The following CFAP57 variants were observed in gnomAD, a reference collection of about 807,000 sequenced individuals.
CFAP57 encodes the protein cilia and flagella associated protein 57.
CFAP57 carries 116 observed loss-of-function variants against 146.8 expected under a neutral mutation model. The ratio of observed to expected loss-of-function variants is 0.79; its 90% CI spans 0.68 to 0.92. CFAP57 has a LOEUF of 0.92. Ranked by LOEUF, CFAP57 falls within the 40% of genes least tolerant of loss-of-function variation. CFAP57 has a pLI of 0.00. For missense variants in CFAP57, 1,377 were observed against 1,527.2 expected, an observed-to-expected ratio of 0.90 and a Z score of 1.64; for synonymous variants, 518 against 552.8, an observed-to-expected ratio of 0.94 and a Z score of 0.88.
intron 22 of CFAP57, among the ~76,000 whole-genome samples, chr1:43,243,725 C>T (rs1328377788): frequency 6.6e-6 from 1 of 152,136 alleles, no homozygotes; most frequent in Non-Finnish European, 1.5e-5. Flanking sequence ...CACTAAGCTT[C>T]CTGAATTTAA....
rs1313418526 is a variant in CFAP57 at position 43,226,954 on chromosome 1, C to T, written c.2866-29C>T. 6.8e-6 allele frequency: 10 copies of T among 1,474,060 alleles called. No homozygotes were observed. The South Asian group carries it at 1.5e-4, about 22-fold the overall frequency. 91.3% of individuals were successfully genotyped at this position (1,474,060 alleles called of 1,614,324 possible). A position where few individuals can be genotyped will look rare whatever the true frequency, so the allele number is the denominator to read the frequency against. The stretch of plus-strand genomic sequence containing the variant: ...GCAGTATACCAGGGCCTTACAATAT[C>T]TCTCACTTCTCTCTCATCTCACCCC... On this transcript the variant is annotated intron_variant, in intron 17 of 22. Transcript: ENST00000372492.
intron 9 of CFAP57, chr1:43,206,476 C>G: frequency 1.9e-6 from 1 of 532,026 alleles, no homozygotes; most frequent in South Asian, 2.4e-5. Flanking sequence ...CTGTAGGATT[C>G]AGTCTTTACG....
intron 22 of CFAP57, among the ~76,000 whole-genome samples, chr1:43,251,233 G>T (rs913335372): frequency 6.6e-6 from 1 of 152,262 alleles, no homozygotes; most frequent in African/African-American, 2.4e-5. Context: ...GGGAGGACAA[G>T]TATTACCAAG....
chr1:43,253,253 GA>G (rs772232791), intron 22 of CFAP57, among the ~76,000 whole-genome samples: 1 of 152,222 alleles, frequency 6.6e-6, no homozygotes, highest in African/African-American at 2.4e-5. Context: ...TCCAGGAAGA[GA>G]GGGTTCTCAG....
intron 2 of CFAP57, among the ~76,000 whole-genome samples, chr1:43,178,062 T>C (rs145572239): frequency 0.022 from 3,397 of 152,248 alleles, 129 homozygotes; most frequent in African/African-American, 0.078. Flanking sequence ...TAATAAATGG[T>C]GCTGGGAAAA....
intron 9 of CFAP57, chr1:43,206,273 T>A (rs1281477152): frequency 6.0e-6 from 1 of 168,006 alleles, no homozygotes; most frequent in Non-Finnish European, 1.2e-5. Flanking sequence ...CTAAAGACTT[T>A]AAATGATTAT....
chr1:43,173,252 C>T (rs1245643368), intron 2 of CFAP57, among the ~76,000 whole-genome samples: 1 of 152,144 alleles, frequency 6.6e-6, no homozygotes, highest in Non-Finnish European at 1.5e-5. Context: ...CTGAGCACAC[C>T]ACCTTCATTA....
chr1:43,215,478 G>A, intron 12 of CFAP57, 62 bp downstream of exon 12: 8 of 1,515,202 alleles, frequency 5.3e-6, no homozygotes, highest in Non-Finnish European at 7.1e-6. Context: ...TTCAGATGCA[G>A]GTCCAGCACT....
chr1:43,237,251 C>G (rs1317958349), intron 21 of CFAP57, among the ~76,000 whole-genome samples: 1 of 152,164 alleles, frequency 6.6e-6, no homozygotes. Context: ...AGGTCACTGT[C>G]TCATTTGTTT....
intron 11 of CFAP57, among the ~76,000 whole-genome samples, chr1:43,214,070 C>G (rs2453411): frequency 0.76 from 115,401 of 151,614 alleles, 45,308 homozygotes; most frequent in Middle Eastern, 0.9. Context: ...ATTTTTAGTA[C>G]GGATGAGGTT....
intron 6 of CFAP57, among the ~76,000 whole-genome samples, chr1:43,187,098 A>C (rs943642055): frequency 6.6e-6 from 1 of 152,180 alleles, no homozygotes; most frequent in Non-Finnish European, 1.5e-5. Context: ...TTGTCCATCA[A>C]ATTTAAATCT....
rs113433068 is a variant in CFAP57, at chr1:43,209,986, A to G, written c.1929+70A>G. 4,444 of 1,612,046 alleles carry G rather than the reference A, an allele frequency of 2.8e-3. 16 individuals are homozygous for G. Among genetic ancestry groups the G allele is most frequent in the Non-Finnish European group, 3.0e-3 (3,556 of 1,178,804 alleles). On this transcript the variant is annotated intron_variant, in intron 11 of 22. Transcript: ENST00000372492. ...GCTACGTGCCTTGTTCATCCCTTCA[A>G]CCTCCCAATGTCTTTTCTCTCTCCT...
At chr1:43,250,908 T>G (rs1349498777) in intron 22 of CFAP57, among the ~76,000 whole-genome samples, 1 of 152,218 alleles carries the variant, frequency 6.6e-6, no homozygotes, top group Non-Finnish European at 1.5e-5. Context: ...GGAAATTCCT[T>G]TAAAATTTTC....
chr1:43,187,376 T>C (rs1389874089), intron 6 of CFAP57, among the ~76,000 whole-genome samples: 2 of 152,160 alleles, frequency 1.3e-5, no homozygotes, highest in Non-Finnish European at 2.9e-5. Context: ...AGATTCAAAA[T>C]ATATAAAGCA....
intron 10 of CFAP57, among the ~76,000 whole-genome samples, chr1:43,208,557 C>T (rs905700309): frequency 1.3e-5 from 2 of 152,182 alleles, no homozygotes; most frequent in African/African-American, 4.8e-5. Context: ...GAAAACGAAA[C>T]ACCGCATATT....
intron 21 of CFAP57, among the ~76,000 whole-genome samples, chr1:43,237,468 A>C (rs1446635560): frequency 6.6e-6 from 1 of 152,204 alleles, no homozygotes; most frequent in African/African-American, 2.4e-5. Context: ...TCAAGGAGTT[A>C]ATCATTGGGA....
intron 18 of CFAP57, among the ~76,000 whole-genome samples, chr1:43,229,753 T>G (rs1341354488): frequency 1.4e-5 from 2 of 146,980 alleles, no homozygotes; most frequent in African/African-American, 2.6e-5. Flanking sequence ...AGGTAGGTAA[T>G]TCTCTGTCAT....
chr1:43,211,014 T>C (rs1644585073), intron 11 of CFAP57: 1 of 152,038 alleles, frequency 6.6e-6, no homozygotes, highest in Admixed American at 6.6e-5. Flanking sequence ...GTGTCTCTTC[T>C]TCCTTACTCT....
Position 43,172,412 on chromosome 1 carries a change from C to G in CFAP57, c.-61C>G, listed in dbSNP as rs1331884791. The G allele has an allele frequency of 6.4e-7, 1 of 1,551,408 alleles. No individual in the cohort carries two copies. The highest frequency in any genetic ancestry group is 2.4e-5 in the East Asian group (1 of 40,904). On this transcript the variant is annotated 5_prime_UTR_variant, in exon 1 of 23. Coordinates refer to ENST00000372492, the MANE Select transcript of CFAP57 (RefSeq NM_001378189.1). ...CTTAGGATCCCTACAGGTAGCGCCTCTGGATACATGCGTGGTCTGCTGACC... is the reference window on the plus strand; with the variant it reads ...CTTAGGATCCCTACAGGTAGCGCCTGTGGATACATGCGTGGTCTGCTGACC...
Sources: gnomAD v4.1 joint callset for allele counts (sites outside exome capture counted in the v4.1 genomes callset) on GRCh38, gnomAD v4.1.1 for gene constraint, MANE v1.5 for transcripts, NCBI Gene and HGNC (gene_info 2026-07-23, HGNC 2026-07-21) for gene names.